Variants in HECW2 observed in about 807,000 individuals in gnomAD.
HECW2 encodes the protein E3 ubiquitin-protein ligase HECW2.
Under a neutral mutation model 175.2 loss-of-function variants are expected in HECW2, and 61 were observed. The ratio of observed to expected loss-of-function variants is 0.35; its 90% CI spans 0.28 to 0.43. The LOEUF (loss-of-function observed/expected upper bound fraction) is 0.43, where lower values mean the gene tolerates loss of function less well. Ranked by LOEUF, HECW2 falls within the 20% of genes least tolerant of loss-of-function variation. The probability of loss-of-function intolerance (pLI) is 1.00; values close to 1 mark genes in which losing one functional copy is unlikely to be tolerated. For missense variants in HECW2, 1,524 were observed against 2,000.5 expected (o/e 0.76, Z 4.54); for synonymous variants, 671 against 731.0 (o/e 0.92, Z 1.32).
intron 1 of HECW2, among the ~76,000 whole-genome samples, chr2:196,460,535 C>A (rs1208353438): frequency 6.7e-6 from 1 of 150,172 alleles, no homozygotes; most frequent in Non-Finnish European, 1.5e-5. Flanking sequence ...TTTTAAAGAG[C>A]AGAGAACATA....
At chr2:196,292,541 C>T (rs1280437502) in intron 14 of HECW2, 24 bp downstream of exon 14, 3 of 1,601,104 alleles carry the variant, frequency 1.9e-6, no homozygotes, top group Non-Finnish European at 2.6e-6. Flanking sequence ...TTTGGCACTC[C>T]CTGAGGCATC....
intron 1 of HECW2, among the ~76,000 whole-genome samples, chr2:196,530,165 C>T (rs757346799): frequency 6.6e-6 from 1 of 152,198 alleles, no homozygotes; most frequent in Non-Finnish European, 1.5e-5. Flanking sequence ...ATGTGCTGTC[C>T]AGTTCCCCAA....
intron 1 of HECW2, among the ~76,000 whole-genome samples, chr2:196,463,962 T>C (rs1002904298): frequency 5.9e-5 from 9 of 152,018 alleles, no homozygotes. Flanking sequence ...CCATTCTCCT[T>C]CCTCCACCTA....
chr2:196,312,904 G>T (rs1036714548), intron 10 of HECW2, among the ~76,000 whole-genome samples: 1 of 152,126 alleles, frequency 6.6e-6, no homozygotes, highest in Non-Finnish European at 1.5e-5. Flanking sequence ...ATACTTTTCA[G>T]ATTCACTGCA....
At chr2:196,402,200 CA>C (rs55851966) in intron 2 of HECW2, among the ~76,000 whole-genome samples, 1,625 of 70,092 alleles carry the variant, frequency 0.023, 2 homozygotes, top group Middle Eastern at 0.098. Flanking sequence ...GACTCTGTCT[CA>C]AAAAAAAAAA....
chr2:196,527,103 C>T (rs1321135190), intron 1 of HECW2, among the ~76,000 whole-genome samples: 1 of 152,228 alleles, frequency 6.6e-6, no homozygotes, highest in Non-Finnish European at 1.5e-5. Context: ...AGTTTGATCT[C>T]AGACTGCTGT....
chr2:196,312,232 C>T (rs890655962), intron 10 of HECW2, among the ~76,000 whole-genome samples: 5 of 123,726 alleles, frequency 4.0e-5, no homozygotes, highest in South Asian at 2.9e-4. Flanking sequence ...TGAATTACAA[C>T]GTATCAGGGA....
In HECW2 at chr2:196,492,219, C is replaced by A. The variant is rs16852564; in HGVS notation, c.-35-58761G>T. On this transcript the variant is annotated intron_variant, in intron 1 of 28. Coordinates refer to ENST00000644978, the MANE Select transcript of HECW2 (RefSeq NM_001348768.2). ...AACCTGCAGATTGTCACAGAATGCT[C>A]CAGGGACAAAGGGGACGCCACAGTG... 7.2e-3 allele frequency among the ~76,000 whole-genome samples: 1,098 copies of A among 152,218 alleles called. 22 individuals carry two copies. Among genetic ancestry groups the A allele is most frequent in the African/African-American group, 0.025 (1,054 of 41,540 alleles).
At chr2:196,221,028 G>GCTAC in intron 24 of HECW2, 87 bp from the exon 25 acceptor site, 2 of 1,446,014 alleles carry the variant, frequency 1.4e-6, no homozygotes, top group South Asian at 2.5e-5. Context: ...AAATCAGCCA[G>GCTAC]CTACCTGTCC....
In HECW2 at chr2:196,433,402, G is replaced by T. The variant is rs1332554701; in HGVS notation, c.22C>A (p.His8Asn). The change falls in exon 2 of 29, where the codon CAC becomes AAC. Residue 8 changes from histidine (H) to asparagine (N), a missense_variant. Coordinates refer to ENST00000644978, the MANE Select transcript of HECW2 (RefSeq NM_001348768.2). ...TTTCGACGCCTCACAAAAAGCAGGT[G>T]CTCCCGGGCTGAACTAGCCATCCCG... MASSARE[H>N]LLFVRRRNPQ... 4 of 1,613,688 alleles carry T rather than the reference G, an allele frequency of 2.5e-6. No homozygotes were observed. The highest frequency in any genetic ancestry group is 1.7e-5 in the Admixed American group (1 of 59,996).
chr2:196,270,673 TC>T (rs1689694678), intron 17 of HECW2, among the ~76,000 whole-genome samples: 1 of 151,160 alleles, frequency 6.6e-6, no homozygotes, highest in Admixed American at 6.7e-5. Flanking sequence ...TAAATAGGGT[TC>T]TGGGTTGTTT....
intron 1 of HECW2, among the ~76,000 whole-genome samples, chr2:196,473,147 A>G (rs1362953664): frequency 6.6e-6 from 1 of 152,236 alleles, no homozygotes; most frequent in Non-Finnish European, 1.5e-5. Flanking sequence ...ACTAAAAACC[A>G]CATTTTTCAA....
intron 21 of HECW2, among the ~76,000 whole-genome samples, chr2:196,233,936 T>C (rs1212930885): frequency 3.3e-5 from 5 of 152,180 alleles, no homozygotes. Flanking sequence ...TCCTCCCTAG[T>C]TGCTTTCATT....
At chr2:196,463,472 G>A (rs1040213784) in intron 1 of HECW2, among the ~76,000 whole-genome samples, 1 of 151,554 alleles carries the variant, frequency 6.6e-6, no homozygotes, top group Admixed American at 6.6e-5. Context: ...CAACTGCAAA[G>A]GGGAAATTTT....
intron 2 of HECW2, among the ~76,000 whole-genome samples, chr2:196,359,914 G>GC (rs1693525102): frequency 6.6e-6 from 1 of 152,120 alleles, no homozygotes; most frequent in East Asian, 1.9e-4. Flanking sequence ...ACTAGCCTGG[G>GC]CAACACAGCA....
chr2:196,393,984 T>C (rs1232059164), intron 2 of HECW2, among the ~76,000 whole-genome samples: 1 of 152,090 alleles, frequency 6.6e-6, no homozygotes, highest in Non-Finnish European at 1.5e-5. Flanking sequence ...TAAAAAAGGA[T>C]GAGTTCATGT....
chr2:196,435,571 C>T (rs1695844536), intron 1 of HECW2, among the ~76,000 whole-genome samples: 1 of 152,214 alleles, frequency 6.6e-6, no homozygotes, highest in African/African-American at 2.4e-5. Context: ...AATTATTCCT[C>T]TCTAGAAAAA....
At chr2:196,213,097 C>T (rs1287513902) in intron 28 of HECW2, among the ~76,000 whole-genome samples, 1 of 152,184 alleles carries the variant, frequency 6.6e-6, no homozygotes, top group Non-Finnish European at 1.5e-5. Flanking sequence ...TCTTTTTTTA[C>T]ACCTAAGTAA....
chr2:196,506,622 CATACTT>C (rs1687769220), intron 1 of HECW2, among the ~76,000 whole-genome samples: 1 of 151,930 alleles, frequency 6.6e-6, no homozygotes, highest in Non-Finnish European at 1.5e-5. Context: ...CAATTTCTGA[CATACTT>C]AGATACCACT....
Sources: allele counts gnomAD v4.1 joint callset (sites outside exome capture counted in the v4.1 genomes callset), GRCh38; gene constraint gnomAD v4.1.1; transcripts MANE v1.5; gene names NCBI Gene and HGNC (gene_info 2026-07-23, HGNC 2026-07-21).